Variants in SYNPR observed in about 807,000 individuals in gnomAD.
SYNPR encodes synaptoporin.
SYNPR carries 23 observed loss-of-function variants against 32.9 expected under a neutral mutation model. The observed-to-expected ratio is 0.70, with a 90% CI of 0.50 to 0.99. The LOEUF (loss-of-function observed/expected upper bound fraction) is 0.99. Among genes scored for constraint, SYNPR ranks in the 50% least tolerant of loss-of-function variants. SYNPR has a pLI of 0.00. For synonymous variants in SYNPR, 146 were observed against 135.9 expected (o/e 1.07, Z -0.52); for missense variants, 318 against 349.3 (o/e 0.91, Z 0.71).
At chr3:63,227,089 A>G (rs1477039906), upstream of SYNPR, among the ~76,000 whole-genome samples, 1 of 152,224 alleles carries the variant, frequency 6.6e-6, no homozygotes, top group Non-Finnish European at 1.5e-5. Context: ...ATACATCTCA[A>G]CAAAGGCCTC....
intron 2 of SYNPR, among the ~76,000 whole-genome samples, chr3:63,283,810 CT>C (rs142282438): frequency 0.16 from 14,336 of 87,282 alleles, 188 homozygotes; most frequent in South Asian, 0.2. Flanking sequence ...AGATAATTAC[CT>C]TTTTTTTTTT....
chr3:63,211,463 G>C, the SYNPR span, among the ~76,000 whole-genome samples: 1 of 152,200 alleles, frequency 6.6e-6, no homozygotes, highest in Non-Finnish European at 1.5e-5. Flanking sequence ...TGCAGCAATA[G>C]TATTCTGTTG....
intron 2 of SYNPR, among the ~76,000 whole-genome samples, chr3:63,460,163 GTTAGA>G (rs986068461): frequency 2.0e-5 from 3 of 152,070 alleles, no homozygotes; most frequent in African/African-American, 7.2e-5. Context: ...TTGCATTGCT[GTTAGA>G]TTAAAGGTCA....
intron 2 of SYNPR, among the ~76,000 whole-genome samples, chr3:63,306,107 T>C (rs541309964): frequency 6.6e-6 from 1 of 152,126 alleles, no homozygotes; most frequent in African/African-American, 2.4e-5. Flanking sequence ...TCAAAGCACC[T>C]TTTCTTTTAC....
chr3:63,556,522 T>A (rs758437311), intron 3 of SYNPR, 21 bp from the exon 4 acceptor site: 8 of 1,587,276 alleles, frequency 5.0e-6, no homozygotes, highest in Non-Finnish European at 6.9e-6. Flanking sequence ...AAAGAATGTC[T>A]CCTTAAATCT....
intron 2 of SYNPR, among the ~76,000 whole-genome samples, chr3:63,471,744 G>A (rs549083023): frequency 6.6e-6 from 1 of 152,304 alleles, no homozygotes; most frequent in East Asian, 1.9e-4. Context: ...TGGGGGTGTT[G>A]AGGACTAATC....
intron 4 of SYNPR, among the ~76,000 whole-genome samples, chr3:63,588,025 T>A (rs984218006): frequency 1.3e-5 from 2 of 152,088 alleles, no homozygotes; most frequent in African/African-American, 4.8e-5. Context: ...CTTAGAAAAA[T>A]TTAAAAATTA....
At chr3:63,571,478 G>T (rs1702885149) in intron 4 of SYNPR, among the ~76,000 whole-genome samples, 1 of 151,970 alleles carries the variant, frequency 6.6e-6, no homozygotes, top group South Asian at 2.1e-4. Context: ...GTTGAGGGAG[G>T]TTACTTGATA....
rs188287022 is a variant in SYNPR at position 63,480,737 on chromosome 3, T to C, written c.85-95T>C. ...GCTCTTCTTCAGAAGGACCATAAATTCCCTCAATCCAGACATTAAGCTCCT... is the reference window on the plus strand; with the variant it reads ...GCTCTTCTTCAGAAGGACCATAAATCCCCTCAATCCAGACATTAAGCTCCT... On this transcript the variant is annotated intron_variant, in intron 2 of 5. Coordinates refer to ENST00000478300, the MANE Select transcript of SYNPR (RefSeq NM_001130003.2). 1,573 of 1,454,890 alleles carry C rather than the reference T, an allele frequency of 1.1e-3. 3 individuals are homozygous for C. Among genetic ancestry groups the C allele is most frequent in the Non-Finnish European group, 1.3e-3 (1,424 of 1,084,338 alleles). The allele number at this position is 1,454,890 out of a possible 1,614,324, so 90.1% of individuals were successfully genotyped here.
intron 4 of SYNPR, among the ~76,000 whole-genome samples, chr3:63,581,682 T>TAC (rs1703095241): frequency 6.6e-6 from 1 of 152,012 alleles, no homozygotes; most frequent in Non-Finnish European, 1.5e-5. Flanking sequence ...AACACGGTCC[T>TAC]AAATACAAAC....
At chr3:63,445,244 A>T (rs536577219) in intron 2 of SYNPR, among the ~76,000 whole-genome samples, 1 of 152,324 alleles carries the variant, frequency 6.6e-6, no homozygotes, top group South Asian at 2.1e-4. Context: ...TGCATTCTGC[A>T]TGTGAAAGTT....
chr3:63,221,886 G>A, the SYNPR span, among the ~76,000 whole-genome samples: 1 of 152,000 alleles, frequency 6.6e-6, no homozygotes, highest in Non-Finnish European at 1.5e-5. Context: ...TATCTCTAAA[G>A]GGTTTAGCAT....
At chr3:63,266,347 T>C (rs887387543) in intron 2 of SYNPR, among the ~76,000 whole-genome samples, 2 of 152,116 alleles carry the variant, frequency 1.3e-5, no homozygotes, top group Non-Finnish European at 2.9e-5. Flanking sequence ...CAGGTGTTTG[T>C]TGTATTTAAT....
At chr3:63,400,039 T>C (rs759081890) in intron 2 of SYNPR, among the ~76,000 whole-genome samples, 3 of 152,142 alleles carry the variant, frequency 2.0e-5, no homozygotes, top group Non-Finnish European at 4.4e-5. Flanking sequence ...CCCAGCCCAT[T>C]CTGCAGAGGA....
At position 63,359,963 on chromosome 3, in the gene SYNPR, T is replaced by C. The variant is rs17068314; in HGVS notation, c.84+81221T>C. Among the ~76,000 whole-genome samples the C allele has an allele frequency of 5.1e-3, 772 of 152,322 alleles. 5 individuals are homozygous for C. The highest frequency in any genetic ancestry group is 0.018 in the African/African-American group (738 of 41,576). On this transcript the variant is annotated intron_variant, in intron 2 of 5. Coordinates refer to ENST00000478300, the MANE Select transcript of SYNPR (RefSeq NM_001130003.2). ...AGAAAGAATCAGAATCAAGCAGCCCTAGTGGTTTATCAAGAGGCGATTTAT... is the reference window on the plus strand; with the variant it reads ...AGAAAGAATCAGAATCAAGCAGCCCCAGTGGTTTATCAAGAGGCGATTTAT...
intron 2 of SYNPR, among the ~76,000 whole-genome samples, chr3:63,367,070 C>T (rs1575612193): frequency 6.6e-6 from 1 of 152,144 alleles, no homozygotes; most frequent in African/African-American, 2.4e-5. Context: ...GTGGGCATAC[C>T]TGGAAATTCT....
intron 1 of SYNPR, among the ~76,000 whole-genome samples, chr3:63,249,669 T>C (rs376737911): frequency 1.3e-5 from 2 of 151,980 alleles, no homozygotes; most frequent in East Asian, 3.9e-4. Context: ...TGTAACCAAA[T>C]ACCACCTGTA....
chr3:63,578,598 G>A (rs1703034182), intron 4 of SYNPR, among the ~76,000 whole-genome samples: 1 of 152,104 alleles, frequency 6.6e-6, no homozygotes, highest in African/African-American at 2.4e-5. Context: ...CAACTTTCAT[G>A]AACTTAATAG....
chr3:63,346,303 A>AT (rs1262426982), intron 2 of SYNPR, among the ~76,000 whole-genome samples: 3 of 152,084 alleles, frequency 2.0e-5, no homozygotes, highest in East Asian at 1.9e-4. Context: ...TATTATGACA[A>AT]TTTTTTTCAT....
Sources: gnomAD v4.1 joint callset for allele counts (sites outside exome capture counted in the v4.1 genomes callset) on GRCh38, gnomAD v4.1.1 for gene constraint, MANE v1.5 for transcripts, NCBI Gene and HGNC (gene_info 2026-07-23, HGNC 2026-07-21) for gene names.